The following PELI2 variants were observed in gnomAD, a reference collection of about 807,000 sequenced individuals.
PELI2 encodes E3 ubiquitin-protein ligase pellino homolog 2.
A neutral mutation model predicts 42.3 loss-of-function variants in PELI2; 23 were observed. The observed-to-expected ratio is 0.54, with a 90% confidence interval of 0.39 to 0.77. PELI2 has a LOEUF of 0.77. PELI2 is among the 30% of genes least tolerant of loss of function. PELI2 has a pLI of 0.00. For synonymous variants in PELI2, 245 were observed against 212.2 expected (o/e 1.15, Z -1.34); for missense variants, 463 against 553.2 (o/e 0.84, Z 1.64).
intron 2 of PELI2, among the ~76,000 whole-genome samples, chr14:56,195,888 G>A (rs1047956141): frequency 2.6e-5 from 4 of 152,236 alleles, no homozygotes; most frequent in African/African-American, 9.6e-5. Context: ...GTGGTTTCAG[G>A]CAGCATGTGA....
At chr14:56,175,483 G>C (rs917375174) in intron 1 of PELI2, among the ~76,000 whole-genome samples, 1 of 152,230 alleles carries the variant, frequency 6.6e-6, no homozygotes, top group African/African-American at 2.4e-5. Flanking sequence ...TGTAGCTCTA[G>C]TACTTGGCAT....
At chr14:56,250,008 G>T (rs1225940036) in intron 2 of PELI2, among the ~76,000 whole-genome samples, 1 of 152,164 alleles carries the variant, frequency 6.6e-6, no homozygotes, top group Non-Finnish European at 1.5e-5. Context: ...TGTTCTCTAA[G>T]GGGCAGAAGT....
intron 3 of PELI2, among the ~76,000 whole-genome samples, chr14:56,282,879 ACTT>A (rs1274702231): frequency 6.6e-6 from 1 of 152,110 alleles, no homozygotes; most frequent in Admixed American, 6.6e-5. Flanking sequence ...TTTTTTTACT[ACTT>A]ACAGTAGCAG....
At chr14:56,167,555 A>G (rs547207551) in intron 1 of PELI2, among the ~76,000 whole-genome samples, 1 of 152,334 alleles carries the variant, frequency 6.6e-6, no homozygotes, top group Admixed American at 6.5e-5. Context: ...TTTATCTGGT[A>G]GAATTCTGAA....
chr14:56,128,814 T>C lies in PELI2; in HGVS notation c.77+10077T>C, dbSNP rs141056406. Among the ~76,000 whole-genome samples, 72 of 152,098 alleles carry C rather than the reference T, an allele frequency of 4.7e-4. No individual in the cohort carries two copies. The East Asian group carries it at 0.014, about 29-fold the overall frequency. Reference sequence around the variant, plus strand: ...ACAGTCCATCAAGAAGGAAGCCCTTTAAGCAAACCTGGCAAGGTGCTGCCA... The same window carrying C: ...ACAGTCCATCAAGAAGGAAGCCCTTCAAGCAAACCTGGCAAGGTGCTGCCA... On this transcript the variant is annotated intron_variant, in intron 1 of 5. Coordinates refer to ENST00000267460, the MANE Select transcript of PELI2 (RefSeq NM_021255.3).
intron 2 of PELI2, among the ~76,000 whole-genome samples, chr14:56,227,666 C>T (rs1395088078): frequency 6.6e-6 from 1 of 152,170 alleles, no homozygotes; most frequent in East Asian, 1.9e-4. Context: ...AGCAGCACTC[C>T]AGTAGCAGTA....
chr14:56,151,265 G>A (rs1165122027), intron 1 of PELI2, among the ~76,000 whole-genome samples: 1 of 152,138 alleles, frequency 6.6e-6, no homozygotes, highest in African/African-American at 2.4e-5. Context: ...CCATTTACCT[G>A]GTGAATTTTT....
intron 2 of PELI2, among the ~76,000 whole-genome samples, chr14:56,200,039 C>T (rs1886276014): frequency 6.6e-6 from 1 of 152,160 alleles, no homozygotes; most frequent in Admixed American, 6.5e-5. Flanking sequence ...AAGTGATTAA[C>T]GAAGAGTTCT....
chr14:56,201,007 T>G (rs1886314037), intron 2 of PELI2, among the ~76,000 whole-genome samples: 1 of 152,198 alleles, frequency 6.6e-6, no homozygotes, highest in African/African-American at 2.4e-5. Flanking sequence ...ACATTTAATC[T>G]AGGTATAAAA....
At chr14:56,227,375 G>A (rs549169818) in intron 2 of PELI2, among the ~76,000 whole-genome samples, 13 of 152,368 alleles carry the variant, frequency 8.5e-5, no homozygotes, top group Admixed American at 4.6e-4. Context: ...CAGTGAATGA[G>A]TGGTTAGTTA....
At chr14:56,136,930 G>A (rs1024461249) in intron 1 of PELI2, among the ~76,000 whole-genome samples, 14 of 152,144 alleles carry the variant, frequency 9.2e-5, no homozygotes, top group African/African-American at 3.4e-4. Flanking sequence ...TAGAATTAGT[G>A]TGTTTCTCAG....
At chr14:56,255,264 A>C (rs1888486569) in intron 2 of PELI2, among the ~76,000 whole-genome samples, 1 of 152,228 alleles carries the variant, frequency 6.6e-6, no homozygotes, top group Non-Finnish European at 1.5e-5. Flanking sequence ...AGACTGTATA[A>C]AGAAAATGTG....
At chr14:56,236,911 G>A (rs901277269) in intron 2 of PELI2, among the ~76,000 whole-genome samples, 3 of 152,070 alleles carry the variant, frequency 2.0e-5, no homozygotes, top group Non-Finnish European at 4.4e-5. Flanking sequence ...TTTGTACTCT[G>A]GAGGTGTCAG....
chr14:56,146,982 A>T (rs1884149263), intron 1 of PELI2, among the ~76,000 whole-genome samples: 1 of 152,150 alleles, frequency 6.6e-6, no homozygotes, highest in East Asian at 1.9e-4. Context: ...AGCTCTAGGC[A>T]ACCACTGATC....
At chr14:56,253,260 A>G (rs1432672932) in intron 2 of PELI2, among the ~76,000 whole-genome samples, 8 of 152,230 alleles carry the variant, frequency 5.3e-5, no homozygotes, top group Non-Finnish European at 1.0e-4. Flanking sequence ...AATGGGCCAA[A>G]GCTGGAAGCA....
intron 2 of PELI2, among the ~76,000 whole-genome samples, chr14:56,240,529 G>A (rs10129459): frequency 1.3e-5 from 2 of 152,130 alleles, no homozygotes; most frequent in South Asian, 2.1e-4. Context: ...GGTCAGTGAG[G>A]GGGTAACGAA....
intron 2 of PELI2, among the ~76,000 whole-genome samples, chr14:56,214,024 G>A (rs558811927): frequency 3.3e-5 from 5 of 152,058 alleles, no homozygotes. Flanking sequence ...ACTAATTTTT[G>A]TATTTTTTGG....
chr14:56,210,766 G>A (rs149429714), intron 2 of PELI2, among the ~76,000 whole-genome samples: 146 of 152,292 alleles, frequency 9.6e-4, no homozygotes, highest in African/African-American at 3.4e-3. Flanking sequence ...GTGCTAGGCA[G>A]GCAGTGCTTG....
intron 1 of PELI2, among the ~76,000 whole-genome samples, chr14:56,143,802 C>T (rs1884003591): frequency 1.3e-5 from 2 of 152,318 alleles, no homozygotes; most frequent in East Asian, 1.9e-4. Flanking sequence ...TGATTTTTAG[C>T]AGCATATGAT....
Sources: gnomAD v4.1 joint callset for allele counts (sites outside exome capture counted in the v4.1 genomes callset) on GRCh38, gnomAD v4.1.1 for gene constraint, MANE v1.5 for transcripts, NCBI Gene and HGNC (gene_info 2026-07-23, HGNC 2026-07-21) for gene names.